SNTG1: variants seen among roughly 807,000 people sequenced by gnomAD.
SNTG1 encodes gamma-1-syntrophin.
SNTG1 carries 39 observed loss-of-function variants against 74.7 expected under a neutral mutation model. The observed-to-expected ratio is 0.52, with a 90% CI of 0.40 to 0.68. SNTG1 has a LOEUF of 0.68. Ranked by LOEUF, SNTG1 falls within the 30% of genes least tolerant of loss-of-function variation. SNTG1 has a pLI of 0.00. For synonymous variants in SNTG1, 254 were observed against 217.1 expected (o/e 1.17, Z -1.49); for missense variants, 685 against 609.5 (o/e 1.12, Z -1.30).
At chr8:50,044,332 T>C (rs2130836546) in intron 1 of SNTG1, among the ~76,000 whole-genome samples, 1 of 152,318 alleles carries the variant, frequency 6.6e-6, no homozygotes, top group South Asian at 2.1e-4. Flanking sequence ...GAGAGAAATT[T>C]ACATTTTAGA....
intron 9 of SNTG1, among the ~76,000 whole-genome samples, chr8:50,509,254 G>A (rs2094041140): frequency 6.6e-6 from 1 of 152,054 alleles, no homozygotes; most frequent in African/African-American, 2.4e-5. Flanking sequence ...TATTTCTGAG[G>A]GCTCTGTTCT....
chr8:50,249,084 G>A (rs1387147032), intron 2 of SNTG1, among the ~76,000 whole-genome samples: 3 of 152,072 alleles, frequency 2.0e-5, no homozygotes, highest in African/African-American at 7.2e-5. Flanking sequence ...ATCACAGACA[G>A]GAGAAACCTC....
At chr8:50,776,409 ATATAT>A (rs1017880070) in intron 18 of SNTG1, among the ~76,000 whole-genome samples, 2 of 147,276 alleles carry the variant, frequency 1.4e-5, no homozygotes, top group South Asian at 2.1e-4. Context: ...ATAATATATA[ATATAT>A]TATAGCTTAT....
intron 2 of SNTG1, among the ~76,000 whole-genome samples, chr8:50,262,354 C>G (rs1199801060): frequency 6.6e-6 from 1 of 152,078 alleles, no homozygotes; most frequent in East Asian, 1.9e-4. Flanking sequence ...GAACAAAAAT[C>G]AATACAATTA....
rs187894864 is a variant in SNTG1 at position 50,221,950 on chromosome 8, T to C, written c.-28+49315T>C. On this transcript the variant is annotated intron_variant, in intron 2 of 18. Coordinates refer to ENST00000642720, the MANE Select transcript of SNTG1 (RefSeq NM_018967.5). ...CCCAGAAATTCAGAAGCTAGGGTTTTTCAAAGATAGTTTGGTAGGTAGGGT... is the reference window on the plus strand; with the variant it reads ...CCCAGAAATTCAGAAGCTAGGGTTTCTCAAAGATAGTTTGGTAGGTAGGGT... Among the ~76,000 whole-genome samples the C allele has an allele frequency of 3.9e-4, 59 of 152,282 alleles. No individual in the cohort carries two copies. The South Asian group carries it at 4.8e-3, about 12-fold the overall frequency.
intron 4 of SNTG1, among the ~76,000 whole-genome samples, chr8:50,434,621 T>G (rs532252876): frequency 2.0e-5 from 3 of 152,232 alleles, no homozygotes; most frequent in African/African-American, 7.2e-5. Flanking sequence ...GTTTTGATTT[T>G]CATCTCTCTG....
intron 1 of SNTG1, among the ~76,000 whole-genome samples, chr8:50,153,382 T>C (rs2082139789): frequency 1.3e-5 from 2 of 152,170 alleles, no homozygotes. Flanking sequence ...AGTTTGATTG[T>C]CTGAAGTATT....
intron 1 of SNTG1, among the ~76,000 whole-genome samples, chr8:50,099,013 C>A (rs2080031534): frequency 6.6e-6 from 1 of 152,052 alleles, no homozygotes. Context: ...TTACAGAAGG[C>A]ATTTTGAAAT....
chr8:50,161,353 T>G (rs2082410152), intron 1 of SNTG1, among the ~76,000 whole-genome samples: 1 of 152,200 alleles, frequency 6.6e-6, no homozygotes, highest in African/African-American at 2.4e-5. Context: ...GTTGGGAAAT[T>G]ATCTGGAGAT....
At chr8:50,179,767 T>G (rs140287450) in intron 2 of SNTG1, among the ~76,000 whole-genome samples, 3 of 152,176 alleles carry the variant, frequency 2.0e-5, no homozygotes, top group Non-Finnish European at 2.9e-5. Context: ...ATAATAAAAA[T>G]GACAAGAGAT....
At chr8:50,407,266 A>T (rs1233943584) in intron 4 of SNTG1, among the ~76,000 whole-genome samples, 1 of 152,200 alleles carries the variant, frequency 6.6e-6, no homozygotes, top group African/African-American at 2.4e-5. Context: ...AGTCTGCTTA[A>T]GTGAGTGGAA....
intron 8 of SNTG1, among the ~76,000 whole-genome samples, chr8:50,493,435 G>T (rs904969068): frequency 2.0e-5 from 3 of 151,998 alleles, no homozygotes; most frequent in African/African-American, 7.2e-5. Context: ...ACTGTATTTA[G>T]GTTCTTTTCC....
At chr8:50,568,229 G>GTTTGTGTGTGTGTGTA (rs749400148) in intron 12 of SNTG1, among the ~76,000 whole-genome samples, 7 of 150,024 alleles carry the variant, frequency 4.7e-5, no homozygotes, top group Admixed American at 6.7e-5. Flanking sequence ...GTCCATGTTT[G>GTTTGTGTGTGTGTGTA]TGTGTGTGTG....
intron 2 of SNTG1, among the ~76,000 whole-genome samples, chr8:50,362,617 G>T (rs955455755): frequency 1.3e-5 from 2 of 151,690 alleles, no homozygotes; most frequent in Admixed American, 1.3e-4. Flanking sequence ...AGATCACATA[G>T]ATATTAAGTA....
rs1463867640 is a variant in SNTG1 at position 50,061,635 on chromosome 8, T to C, written c.-102-110926T>C. On this transcript the variant is annotated intron_variant, in intron 1 of 18. Coordinates refer to ENST00000642720, the MANE Select transcript of SNTG1 (RefSeq NM_018967.5). ...TAATGTAAACATTTAGTGTTATACA[T>C]TTCTGTCTTATTACTGTTTAGCTGC... Among the ~76,000 whole-genome samples the C allele has an allele frequency of 3.3e-5, 5 of 152,138 alleles. No homozygotes were observed. In the East Asian group the frequency reaches 9.6e-4, roughly 29 times the overall value.
intron 2 of SNTG1, among the ~76,000 whole-genome samples, chr8:50,374,953 A>G (rs763341016): frequency 1.3e-5 from 2 of 152,152 alleles, no homozygotes; most frequent in Non-Finnish European, 2.9e-5. Flanking sequence ...GGCACTGGGA[A>G]GTAAAATTAA....
chr8:50,515,391 T>A (rs986035333), intron 9 of SNTG1, among the ~76,000 whole-genome samples: 2 of 71,842 alleles, frequency 2.8e-5, no homozygotes, highest in East Asian at 6.6e-4. Context: ...GCAGGAGTTT[T>A]TTTTTTTTTT....
rs2131877009 is a variant in SNTG1 at position 50,792,818 on chromosome 8, T to C, written c.1543T>C (p.Tyr515His). The C allele has an allele frequency of 1.2e-6, 2 of 1,611,670 alleles. No homozygotes were observed. The highest frequency in any genetic ancestry group is 1.7e-6 in the Non-Finnish European group (2 of 1,178,484). Residue 515 changes from tyrosine to histidine, a missense_variant, in exon 19 of 19, where the codon TAT (tyrosine) becomes CAT (histidine). Tyr to His is a moderately conservative substitution (Grantham distance 83). Coordinates refer to ENST00000642720, the MANE Select transcript of SNTG1 (RefSeq NM_018967.5). ...ASSATTSKAK[Y>H]TT Reference sequence around the variant, plus strand: ...CTCTGCTACCACGAGCAAAGCAAAGTATACAACTTGACATACTGAACTCTT... The same window carrying C: ...CTCTGCTACCACGAGCAAAGCAAAGCATACAACTTGACATACTGAACTCTT...
At chr8:50,781,423 T>C (rs2095659057) in intron 18 of SNTG1, among the ~76,000 whole-genome samples, 1 of 152,196 alleles carries the variant, frequency 6.6e-6, no homozygotes, top group African/African-American at 2.4e-5. Context: ...GAGAGTTAGC[T>C]CTTCTTGTTG....
Sources: allele counts gnomAD v4.1 joint callset (sites outside exome capture counted in the v4.1 genomes callset), GRCh38; gene constraint gnomAD v4.1.1; transcripts MANE v1.5; gene names NCBI Gene and HGNC (gene_info 2026-07-23, HGNC 2026-07-21).